Variants in HSDL2 observed in about 807,000 individuals in gnomAD.
The protein encoded by HSDL2 is hydroxysteroid dehydrogenase like 2.
A neutral mutation model predicts 46.3 loss-of-function variants in HSDL2; 27 were observed. The ratio of observed to expected loss-of-function variants is 0.58; its 90% CI spans 0.43 to 0.80. HSDL2 has a LOEUF of 0.80. Ranked by LOEUF, HSDL2 falls within the 30% of genes least tolerant of loss-of-function variation. HSDL2 has a pLI of 0.00. For synonymous variants in HSDL2, 153 were observed against 163.6 expected, an observed-to-expected ratio of 0.94 and a Z score of 0.50; for missense variants, 451 against 502.7, an observed-to-expected ratio of 0.90 and a Z score of 0.98.
rs568284558 is a variant in HSDL2 at position 112,381,406 on chromosome 9, G to A, written c.17+1226G>A. Among the ~76,000 whole-genome samples the A allele has an allele frequency of 5.3e-5, 8 of 152,218 alleles. No homozygotes were observed. The South Asian group carries it at 6.2e-4, about 12-fold the overall frequency. ...AGATGGAGTCTCGCTCTGTCTTCCAGTCTGGAGTGCAGTGGCATGATCTCG... is the reference window on the plus strand; with the variant it reads ...AGATGGAGTCTCGCTCTGTCTTCCAATCTGGAGTGCAGTGGCATGATCTCG... On this transcript the variant is annotated intron_variant, in intron 1 of 10. Transcript: ENST00000398805.
chr9:112,390,462 T>A (rs1289563253), intron 1 of HSDL2, among the ~76,000 whole-genome samples: 2 of 152,062 alleles, frequency 1.3e-5, no homozygotes, highest in African/African-American at 4.8e-5. Flanking sequence ...ACTTATTAAT[T>A]TATCTATTTA....
In HSDL2 at chr9:112,446,110, T is replaced by A. The variant is rs1564127483; in HGVS notation, c.865+4340T>A. ...ATTATTTTTTTCATAGGCATCAGGT[T>A]ATTTTTTTTTTCTGTTAATTCTTCC... On this transcript the variant is annotated intron_variant, in intron 8 of 10. Coordinates refer to ENST00000398805, the MANE Select transcript of HSDL2 (RefSeq NM_032303.5). Among the ~76,000 whole-genome samples the A allele has an allele frequency of 6.4e-5, 3 of 46,960 alleles. 1 individual carries two copies. Among genetic ancestry groups the A allele is most frequent in the Non-Finnish European group, 1.1e-4 (3 of 26,634 alleles). The allele number at this position is 46,960 out of a possible 152,430, so 30.8% of individuals were successfully genotyped here. A position where few individuals can be genotyped will look rare whatever the true frequency, so the allele number is the denominator to read the frequency against.
rs191702513 is a variant in HSDL2 at position 112,390,486 on chromosome 9, G to A, written c.17+10306G>A. Reference sequence around the variant, plus strand: ...TTTATCTATTTAGAGACAGGGTCTCGCTCTGTCACCAAGCTGGAGTGCAGT... The same window carrying A: ...TTTATCTATTTAGAGACAGGGTCTCACTCTGTCACCAAGCTGGAGTGCAGT... On this transcript the variant is annotated intron_variant, in intron 1 of 10. Coordinates refer to ENST00000398805, the MANE Select transcript of HSDL2 (RefSeq NM_032303.5). 4.7e-3 allele frequency among the ~76,000 whole-genome samples: 721 copies of A among 152,006 alleles called. 3 individuals are homozygous for A. The highest frequency in any genetic ancestry group is 0.016 in the African/African-American group (683 of 41,440).
intron 10 of HSDL2, among the ~76,000 whole-genome samples, chr9:112,467,819 A>G (rs1472477280): frequency 1.3e-5 from 2 of 152,114 alleles, no homozygotes; most frequent in Non-Finnish European, 2.9e-5. Context: ...CTTTGTCTTC[A>G]TGTTATAATC....
intron 1 of HSDL2, among the ~76,000 whole-genome samples, chr9:112,381,342 G>A (rs1831090463): frequency 6.6e-6 from 1 of 152,006 alleles, no homozygotes; most frequent in Non-Finnish European, 1.5e-5. Context: ...TACATTTTTA[G>A]TACATGGCAG....
chr9:112,457,404 A>G (rs890978856), intron 9 of HSDL2, among the ~76,000 whole-genome samples: 5 of 152,056 alleles, frequency 3.3e-5, no homozygotes, highest in African/African-American at 1.2e-4. Context: ...TAATCCCAGC[A>G]CTCTGGGAGG....
At position 112,438,440 on chromosome 9, in the gene HSDL2, C is replaced by G. The variant is rs1418976571; in HGVS notation, c.608C>G (p.Thr203Ser). 2.5e-6 allele frequency: 4 copies of G among 1,596,276 alleles called. No individual in the cohort carries two copies. Among genetic ancestry groups the G allele is most frequent in the African/African-American group, 2.7e-5 (2 of 74,236 alleles). ...TGTGTTTTCTCTACAGCCATACACA[C>G]TGCTGCTATGGATATGCTGGGAGGA... ...NALWPKTAIHTAAMDMLGGPG... is the reference protein window; with the variant it reads ...NALWPKTAIHSAAMDMLGGPG... Residue 203 changes from threonine (T) to serine (S), a missense_variant, in exon 7 of 11, where the codon ACT becomes AGT. Thr to Ser is a moderately conservative substitution (Grantham distance 58, BLOSUM62 1). Coordinates refer to ENST00000398805, the MANE Select transcript of HSDL2 (RefSeq NM_032303.5).
chr9:112,399,429 G>A (rs1831537378), intron 1 of HSDL2, among the ~76,000 whole-genome samples: 2 of 152,166 alleles, frequency 1.3e-5, no homozygotes, highest in Admixed American at 1.3e-4. Context: ...GTTCAGTGGT[G>A]CACGTATTGT....
intron 6 of HSDL2, among the ~76,000 whole-genome samples, chr9:112,426,933 T>G (rs1832260755): frequency 6.6e-6 from 1 of 152,196 alleles, no homozygotes; most frequent in African/African-American, 2.4e-5. Context: ...TCACGTACTA[T>G]TCCGCTTCAG....
At chr9:112,418,741 A>C (rs1832053406) in intron 5 of HSDL2, 119 bp from the exon 6 acceptor site, 1 of 454,842 alleles carries the variant, frequency 2.2e-6, no homozygotes, top group African/African-American at 2.0e-5. Context: ...ATGTATATAC[A>C]TACATGCACA....
At chr9:112,457,682 A>G (rs1049473521) in intron 9 of HSDL2, among the ~76,000 whole-genome samples, 11 of 152,182 alleles carry the variant, frequency 7.2e-5, no homozygotes, top group African/African-American at 2.4e-4. Context: ...GTTCTTCAGT[A>G]GTCTTCTCTC....
chr9:112,441,623 A>G (rs1832639418), intron 7 of HSDL2, 76 bp from the exon 8 acceptor site: 1 of 900,700 alleles, frequency 1.1e-6, no homozygotes, highest in South Asian at 1.7e-5. Flanking sequence ...TAAAATAGAT[A>G]TGTTTATTAA....
chr9:112,388,978 CT>C (rs1452307469), intron 1 of HSDL2, among the ~76,000 whole-genome samples: 3 of 151,726 alleles, frequency 2.0e-5, no homozygotes, highest in Non-Finnish European at 4.4e-5. Flanking sequence ...AATTAAAATA[CT>C]GTGAAAGTAG....
At chr9:112,418,715 A>G in intron 5 of HSDL2, 145 bp from the exon 6 acceptor site, 1 of 417,638 alleles carries the variant, frequency 2.4e-6, no homozygotes. Context: ...ATACACACAG[A>G]TATATACACA....
intron 1 of HSDL2, among the ~76,000 whole-genome samples, chr9:112,396,182 GA>G (rs1831452897): frequency 1.3e-5 from 2 of 152,298 alleles, no homozygotes; most frequent in Non-Finnish European, 2.9e-5. Flanking sequence ...GATTAATGGG[GA>G]TTGGTGTGAT....
intron 3 of HSDL2, among the ~76,000 whole-genome samples, chr9:112,407,477 C>T (rs968714861): frequency 6.6e-6 from 1 of 152,036 alleles, no homozygotes; most frequent in Non-Finnish European, 1.5e-5. Context: ...TATGTAGTGG[C>T]ATGATCGTGG....
At chr9:112,438,017 GCGGA>G (rs1344181560) in intron 6 of HSDL2, among the ~76,000 whole-genome samples, 6 of 152,244 alleles carry the variant, frequency 3.9e-5, no homozygotes, top group African/African-American at 1.4e-4. Flanking sequence ...GGAGGCTGAG[GCGGA>G]CGGATCACAA....
chr9:112,425,017 C>T (rs1363041502), intron 6 of HSDL2, among the ~76,000 whole-genome samples: 1 of 151,848 alleles, frequency 6.6e-6, no homozygotes, highest in Non-Finnish European at 1.5e-5. Context: ...AATTATTTTT[C>T]CATTTCTTAT....
chr9:112,397,359 G>T (rs932950161), intron 1 of HSDL2, among the ~76,000 whole-genome samples: 1 of 152,114 alleles, frequency 6.6e-6, no homozygotes. Context: ...TACACTCATG[G>T]TTCACATTCT....
Sources: gnomAD v4.1 joint callset for allele counts (sites outside exome capture counted in the v4.1 genomes callset) on GRCh38, gnomAD v4.1.1 for gene constraint, MANE v1.5 for transcripts, NCBI Gene and HGNC (gene_info 2026-07-23, HGNC 2026-07-21) for gene names.